KLF12: variants seen among roughly 807,000 people sequenced by gnomAD.
KLF12 encodes the protein Krueppel-like factor 12.
KLF12 carries 9 observed loss-of-function variants against 37.8 expected under a neutral mutation model. The observed-to-expected ratio is 0.24, with a 90% CI of 0.14 to 0.42. The LOEUF (loss-of-function observed/expected upper bound fraction) is 0.42, where lower values mean the gene tolerates loss of function less well. Among genes scored for constraint, KLF12 ranks in the 10% least tolerant of loss-of-function variants. KLF12 has a pLI of 1.00. For missense variants in KLF12, 411 were observed against 516.0 expected, an observed-to-expected ratio of 0.80 and a Z score of 1.97; for synonymous variants, 208 against 202.1, an observed-to-expected ratio of 1.03 and a Z score of -0.25.
At chr13:73,713,843 G>A (rs1024956292) in intron 7 of KLF12, among the ~76,000 whole-genome samples, 3 of 152,168 alleles carry the variant, frequency 2.0e-5, no homozygotes, top group Non-Finnish European at 4.4e-5. Context: ...AGGCTAATAT[G>A]TATTCCAGAA....
At chr13:74,092,677 A>T (rs1296602715) in intron 1 of KLF12, among the ~76,000 whole-genome samples, 2 of 152,110 alleles carry the variant, frequency 1.3e-5, no homozygotes, top group Non-Finnish European at 2.9e-5. Context: ...AAGACAGCCT[A>T]TAAAATCGGA....
At chr13:74,027,135 T>G (rs1163327617) in intron 1 of KLF12, among the ~76,000 whole-genome samples, 2 of 152,168 alleles carry the variant, frequency 1.3e-5, no homozygotes, top group African/African-American at 2.4e-5. Context: ...CAGAATTAGT[T>G]TGACCTAAAA....
chr13:73,930,032 G>A (rs898821863), intron 3 of KLF12, among the ~76,000 whole-genome samples: 1 of 152,204 alleles, frequency 6.6e-6, no homozygotes, highest in African/African-American at 2.4e-5. Context: ...AGGCTGAAAG[G>A]TTCTGAGAAA....
intron 3 of KLF12, among the ~76,000 whole-genome samples, chr13:73,850,687 A>C (rs17061574): frequency 6.6e-6 from 1 of 152,152 alleles, no homozygotes; most frequent in Admixed American, 6.6e-5. Context: ...TAACACCAGC[A>C]ATGTTTAGAG....
At chr13:73,779,712 G>C (rs1031538867) in intron 5 of KLF12, among the ~76,000 whole-genome samples, 2 of 152,236 alleles carry the variant, frequency 1.3e-5, no homozygotes, top group African/African-American at 4.8e-5. Flanking sequence ...CCCATTTGGA[G>C]CTGGCATCTG....
intron 7 of KLF12, among the ~76,000 whole-genome samples, chr13:73,714,342 G>C (rs1875634673): frequency 6.6e-6 from 1 of 152,188 alleles, no homozygotes. Flanking sequence ...GGAAAATGAT[G>C]CTAATTTCAA....
chr13:74,138,072 G>C (rs144881697), upstream of KLF12, among the ~76,000 whole-genome samples: 1 of 152,294 alleles, frequency 6.6e-6, no homozygotes, highest in East Asian at 1.9e-4. Context: ...ATCTTTTACA[G>C]TATTAAGAGC....
At chr13:73,805,576 C>T (rs941875672) in intron 5 of KLF12, among the ~76,000 whole-genome samples, 2 of 139,188 alleles carry the variant, frequency 1.4e-5, no homozygotes, top group South Asian at 4.8e-4. Flanking sequence ...TGCCACTGCA[C>T]TCTAACCTGG....
In KLF12 at chr13:73,723,762, A is replaced by G. The variant is rs144965735; in HGVS notation, c.870-8237T>C. Among the ~76,000 whole-genome samples, 531 of 152,294 alleles carry G rather than the reference A, an allele frequency of 3.5e-3. 6 individuals carry two copies. Among genetic ancestry groups the G allele is most frequent in the African/African-American group, 0.012 (510 of 41,562 alleles). The stretch of plus-strand genomic sequence containing the variant: ...TACTCAAGAGTGAAGAGTCTTATAC[A>G]TGTCTATTTATGTGACCGACAAACA... On this transcript the variant is annotated intron_variant, in intron 6 of 7. Transcript: ENST00000377669.
At chr13:74,176,502 C>T in the KLF12 span, among the ~76,000 whole-genome samples, 4 of 152,200 alleles carry the variant, frequency 2.6e-5, no homozygotes, top group South Asian at 8.3e-4. Flanking sequence ...ACTCCATACC[C>T]ATGATCGTTC....
intron 6 of KLF12, among the ~76,000 whole-genome samples, chr13:73,755,241 G>C (rs1313372629): frequency 6.6e-6 from 1 of 152,140 alleles, no homozygotes; most frequent in Non-Finnish European, 1.5e-5. Context: ...TACAGGAATG[G>C]AAAAAGAGAT....
chr13:74,153,156 A>G, the KLF12 span, among the ~76,000 whole-genome samples: 3 of 152,020 alleles, frequency 2.0e-5, no homozygotes, highest in Non-Finnish European at 4.4e-5. Context: ...TGTAATTCAA[A>G]TGATATAAAT....
the KLF12 span, among the ~76,000 whole-genome samples, chr13:74,261,402 A>G: frequency 6.6e-6 from 1 of 152,192 alleles, no homozygotes; most frequent in Non-Finnish European, 1.5e-5. Flanking sequence ...ATAAAAAAAT[A>G]TTTCAAAATA....
At chr13:74,173,953 G>A in the KLF12 span, among the ~76,000 whole-genome samples, 9 of 152,078 alleles carry the variant, frequency 5.9e-5, no homozygotes, top group Admixed American at 1.3e-4. Flanking sequence ...ATTCCTGTAC[G>A]AACTCAATAG....
intron 2 of KLF12, among the ~76,000 whole-genome samples, chr13:73,973,520 C>T (rs1218270598): frequency 6.6e-6 from 1 of 152,176 alleles, no homozygotes. Flanking sequence ...TTCCACTCTT[C>T]ACCTTGAATT....
intron 3 of KLF12, among the ~76,000 whole-genome samples, chr13:73,887,206 A>C (rs1266918206): frequency 1.3e-5 from 2 of 152,172 alleles, no homozygotes; most frequent in Admixed American, 6.5e-5. Flanking sequence ...AATCTAAATA[A>C]ATTGTCTAAA....
chr13:73,869,834 G>A (rs1469606597), intron 3 of KLF12, among the ~76,000 whole-genome samples: 2 of 152,110 alleles, frequency 1.3e-5, no homozygotes, highest in Admixed American at 1.3e-4. Flanking sequence ...TAAATGTTAA[G>A]AGGTTGCTTT....
intron 1 of KLF12, among the ~76,000 whole-genome samples, chr13:74,097,989 A>G (rs4447307): frequency 0.12 from 18,012 of 152,154 alleles, 1,268 homozygotes; most frequent in Non-Finnish European, 0.17. Flanking sequence ...AAATGGCAAC[A>G]ACCAACTGGC....
the KLF12 span, among the ~76,000 whole-genome samples, chr13:74,208,284 GA>G: frequency 5.3e-5 from 8 of 152,068 alleles, no homozygotes; most frequent in Non-Finnish European, 1.5e-5. Flanking sequence ...TCTCAATAAG[GA>G]ACTGACTTTC....
Sources: allele counts gnomAD v4.1 joint callset (sites outside exome capture counted in the v4.1 genomes callset), GRCh38; gene constraint gnomAD v4.1.1; transcripts MANE v1.5; gene names NCBI Gene and HGNC (gene_info 2026-07-23, HGNC 2026-07-21).